The following ZNF865 variants were observed in gnomAD, a reference collection of about 807,000 sequenced individuals.
The protein encoded by ZNF865 is zinc finger protein 865.
For synonymous variants in ZNF865, 763 were observed against 750.8 expected (o/e 1.02, Z -0.27); for missense variants, 1,311 against 1,593.4 (o/e 0.82, Z 3.02).
rs1475331003 is a variant in ZNF865, at chr19:55,614,751, T to A, written c.1133T>A (p.Phe378Tyr). Residue 378 changes from phenylalanine (F) to tyrosine (Y), a missense_variant, in exon 2 of 2, where the codon TTC (phenylalanine) becomes TAC (tyrosine). Coordinates refer to ENST00000568956, the MANE Select transcript of ZNF865 (RefSeq NM_001195605.2). The surrounding 1 kb of genome is among the most constrained non-coding windows in gnomAD (Gnocchi z 8.0). ...ATCATCCACACGGGCGAGAAGCCCT[T>A]CTCCTGCTCCGTGTGCAGCAAAAGC... ...HQIIHTGEKP[F>Y]SCSVCSKSFN... 1.3e-6 allele frequency: 2 copies of A among 1,583,408 alleles called. No individual in the cohort carries two copies. The highest frequency in any genetic ancestry group is 2.7e-5 in the African/African-American group (2 of 73,780).
At position 55,617,197 on chromosome 19, in the gene ZNF865, T is replaced by TG. The variant is rs1202583369; in HGVS notation, c.*406dup. On this transcript the variant is annotated 3_prime_UTR_variant, in exon 2 of 2. Coordinates refer to ENST00000568956, the MANE Select transcript of ZNF865 (RefSeq NM_001195605.2). ...AGGGAGTGCTGGGTGCTTTTTGGGG[T>TG]GGGGGGGTGGGGGGCGGGGTGGCAG... The TG allele has an allele frequency of 5.7e-3, 32 of 5,658 alleles. No individual in the cohort carries two copies. The highest frequency in any genetic ancestry group is 0.042 in the East Asian group (6 of 142). The allele number at this position is 5,658 out of a possible 1,614,324, so 0.4% of individuals were successfully genotyped here.
At chr19:55,609,496 T>G (rs1301794015) in intron 1 of ZNF865, among the ~76,000 whole-genome samples, 1 of 152,204 alleles carries the variant, frequency 6.6e-6, no homozygotes. Context: ...TATGCGCACG[T>G]TACTCTTTAT....
chr19:55,616,157 G>C lies in ZNF865; in HGVS notation c.2539G>C (p.Gly847Arg). ...LHRRSHRQKR[G>R]FRCPVCGKRF... ...CCGCCGCAGCCATCGGCAGAAGCGG[G>C]GTTTCCGCTGCCCGGTGTGCGGGAA... The change falls in exon 2 of 2, where the codon GGT becomes CGT. Residue 847 changes from glycine to arginine, a missense_variant. Gly to Arg is a moderately radical substitution (Grantham distance 125). Coordinates refer to ENST00000568956, the MANE Select transcript of ZNF865 (RefSeq NM_001195605.2). 2.0e-6 allele frequency: 3 copies of C among 1,508,532 alleles called. No homozygotes were observed. The highest frequency in any genetic ancestry group is 2.6e-6 in the Non-Finnish European group (3 of 1,132,242). The allele number at this position is 1,508,532 out of a possible 1,614,324, so 93.4% of individuals were successfully genotyped here. A position where few individuals can be genotyped will look rare whatever the true frequency, so the allele number is the denominator to read the frequency against.
At position 55,611,333 on chromosome 19, in the gene ZNF865, C is replaced by T. The variant is rs1981126772; in HGVS notation, c.-26-2260C>T. 6.6e-6 allele frequency among the ~76,000 whole-genome samples: 1 copy of T among 152,134 alleles called. No homozygotes were observed. Among genetic ancestry groups the T allele is most frequent in the Admixed American group, 6.5e-5 (1 of 15,278 alleles). ...CTAGTCAGGGGCTTCTTTCCCCAAA[C>T]ACTCTTGCCCTCCCTCCCCATAGCG... is the stretch of plus-strand genomic sequence containing the variant. On this transcript the variant is annotated intron_variant, in intron 1 of 1. Coordinates refer to ENST00000568956, the MANE Select transcript of ZNF865 (RefSeq NM_001195605.2). This position sits in a 1 kb window ranked among gnomAD's most constrained non-coding sequence, Gnocchi z 4.5.
intron 1 of ZNF865, among the ~76,000 whole-genome samples, chr19:55,609,506 T>C (rs1981059084): frequency 1.3e-5 from 2 of 152,190 alleles, no homozygotes; most frequent in Admixed American, 1.3e-4. Context: ...TTACTCTTTA[T>C]TAACAAACCA....
rs1981128458 is a variant in ZNF865 at position 55,611,369 on chromosome 19, C to T, written c.-26-2224C>T. On this transcript the variant is annotated intron_variant, in intron 1 of 1. Transcript: ENST00000568956. The surrounding 1 kb of genome is among the most constrained non-coding windows in gnomAD (Gnocchi z 4.5). ...TCCCTCCCCATAGCGCCCTAAATCACCCCCTATTCCCTGCATCCTTATGGC... is the reference window on the plus strand; with the variant it reads ...TCCCTCCCCATAGCGCCCTAAATCATCCCCTATTCCCTGCATCCTTATGGC... Among the ~76,000 whole-genome samples the T allele has an allele frequency of 6.6e-6, 1 of 152,092 alleles. No individual in the cohort carries two copies.
In ZNF865 at chr19:55,614,596, C is replaced by T. The variant is rs949542761; in HGVS notation, c.978C>T (p.Ser326=). 28 of 1,522,026 alleles carry T rather than the reference C, an allele frequency of 1.8e-5. No homozygotes were observed. The highest frequency in any genetic ancestry group is 2.8e-5 in the African/African-American group (2 of 71,946). The allele number at this position is 1,522,026 out of a possible 1,614,324, so 94.3% of individuals were successfully genotyped here. The change falls in exon 2 of 2, where the codon TCC becomes TCT. Residue 326 remains serine, a synonymous_variant. Transcript: ENST00000568956. This position sits in a 1 kb window ranked among gnomAD's most constrained non-coding sequence, Gnocchi z 8.0. Reference sequence around the variant, plus strand: ...CCACGCCCGTGGCGCCTGCCCCCTCCGCAGACGGGAGCGCCGCCCCTGCTG... The same window carrying T: ...CCACGCCCGTGGCGCCTGCCCCCTCTGCAGACGGGAGCGCCGCCCCTGCTG... ...PPATPVAPAP[S]ADGSAAPAGV...
At chr19:55,606,248 C>G (rs1439843443) in intron 1 of ZNF865, among the ~76,000 whole-genome samples, 2 of 152,176 alleles carry the variant, frequency 1.3e-5, no homozygotes, top group Admixed American at 1.3e-4. Context: ...AGCAGAACGC[C>G]CCTTCGTGGG....
At chr19:55,609,361 C>T (rs190299394) in intron 1 of ZNF865, among the ~76,000 whole-genome samples, 21 of 152,280 alleles carry the variant, frequency 1.4e-4, no homozygotes, top group Non-Finnish European at 2.8e-4. Context: ...CCCTCAGTCT[C>T]TTCCTTTGTA....
Position 55,616,053 on chromosome 19 carries a change from A to G in ZNF865, c.2435A>G (p.Tyr812Cys). The G allele has an allele frequency of 6.6e-7, 1 of 1,521,494 alleles. No individual in the cohort carries two copies. Among genetic ancestry groups the G allele is most frequent in the Non-Finnish European group, 8.8e-7 (1 of 1,139,870 alleles). 94.2% of individuals were successfully genotyped at this position (1,521,494 alleles called of 1,614,324 possible). Residue 812 changes from tyrosine to cysteine, a missense_variant, in exon 2 of 2, where the codon TAC becomes TGC. By Grantham distance (194) the Tyr-to-Cys change is radical. Transcript: ENST00000568956. The stretch of plus-strand genomic sequence containing the variant: ...TTCCTGGGCCTCGTGACTCACAAGT[A>G]CGTGCACCTGGTGCGACGGACCCTG... The part of the protein sequence containing the change: ...KHFLGLVTHK[Y>C]VHLVRRTLGC...
chr19:55,616,727 C>T lies in ZNF865; in HGVS notation c.3109C>T (p.Leu1037=), dbSNP rs1373604568. 5 of 1,513,290 alleles carry T rather than the reference C, an allele frequency of 3.3e-6. No individual in the cohort carries two copies. In the East Asian group the frequency reaches 9.9e-5, roughly 30 times the overall value. 93.7% of individuals were successfully genotyped at this position (1,513,290 alleles called of 1,614,324 possible). Residue 1037 remains leucine, a synonymous_variant, in exon 2 of 2, where the codon CTG becomes TTG. Coordinates refer to ENST00000568956, the MANE Select transcript of ZNF865 (RefSeq NM_001195605.2). ...ANTYGLKKHR[L]AHKAENLGGP... ...CACCTACGGCCTCAAGAAACACCGC[C>T]TGGCGCACAAGGCCGAGAACCTCGG... is the stretch of plus-strand genomic sequence containing the variant.
At position 55,615,337 on chromosome 19, in the gene ZNF865, G is replaced by A. The variant is rs1486176833; in HGVS notation, c.1719G>A (p.Thr573=). Residue 573 remains threonine, a synonymous_variant, in exon 2 of 2, where the codon ACG becomes ACA. Coordinates refer to ENST00000568956, the MANE Select transcript of ZNF865 (RefSeq NM_001195605.2). ...TGAAGCGCCATGAGCGCATCCACAC[G>A]GGCGAGAAGCCCCACCAGTGCCCCG... ...ETLKRHERIH[T]GEKPHQCPVC... 2.0e-6 allele frequency: 3 copies of A among 1,518,876 alleles called. No individual in the cohort carries two copies. Among genetic ancestry groups the A allele is most frequent in the Admixed American group, 2.1e-5 (1 of 47,522 alleles). 94.1% of individuals were successfully genotyped at this position (1,518,876 alleles called of 1,614,324 possible).
Position 55,613,927 on chromosome 19 carries a change from C to G in ZNF865, c.309C>G (p.Ser103=). 6.5e-7 allele frequency: 1 copy of G among 1,527,958 alleles called. No homozygotes were observed. Among genetic ancestry groups the G allele is most frequent in the Non-Finnish European group, 8.8e-7 (1 of 1,140,352 alleles). 94.7% of individuals were successfully genotyped at this position (1,527,958 alleles called of 1,614,324 possible). ...SSSSSSSSSS[S]SSSSSSSSSS... is the part of the protein sequence containing the mutation. ...CCTCGTCCTCGTCCTCCTCCTCCTC[C>G]TCTTCGTCCTCCTCGTCGTCATCTT... The change falls in exon 2 of 2, where the codon TCC becomes TCG. Residue 103 remains serine, a synonymous_variant. Transcript: ENST00000568956.
Position 55,616,254 on chromosome 19 carries a change from G to T in ZNF865, c.2636G>T (p.Gly879Val), listed in dbSNP as rs1981354475. Residue 879 changes from glycine (G) to valine (V), a missense_variant, in exon 2 of 2, where the codon GGC (glycine) becomes GTC (valine). Transcript: ENST00000568956. Reference sequence around the variant, plus strand: ...ACGGAACAGCGGCCGTACCGATGTGGCGTGTGCGGCCGAGGCTTCCTGCGC... The same window carrying T: ...ACGGAACAGCGGCCGTACCGATGTGTCGTGTGCGGCCGAGGCTTCCTGCGC... ...CHTEQRPYRC[G>V]VCGRGFLRSW... 14 of 1,523,368 alleles carry T rather than the reference G, an allele frequency of 9.2e-6. No individual in the cohort carries two copies. The highest frequency in any genetic ancestry group is 1.2e-5 in the Non-Finnish European group (14 of 1,139,814). 94.4% of individuals were successfully genotyped at this position (1,523,368 alleles called of 1,614,324 possible).
In ZNF865 at chr19:55,615,985, C is replaced by T. The variant is rs1487977633; in HGVS notation, c.2367C>T (p.Pro789=). 3 of 1,521,312 alleles carry T rather than the reference C, an allele frequency of 2.0e-6. No homozygotes were observed. The highest frequency in any genetic ancestry group is 2.5e-5 in the East Asian group (1 of 39,940). The allele number at this position is 1,521,312 out of a possible 1,614,324, so 94.2% of individuals were successfully genotyped here. A position where few individuals can be genotyped will look rare whatever the true frequency, so the allele number is the denominator to read the frequency against. Reference sequence around the variant, plus strand: ...CTGGCGGGGGTGCCAGTTCCGGCCCCGAGCGCTTCAGCTGTGCCACGTGCG... The same window carrying T: ...CTGGCGGGGGTGCCAGTTCCGGCCCTGAGCGCTTCAGCTGTGCCACGTGCG... ...AGAGGGASSG[P]ERFSCATCGQ... is the part of the protein sequence containing the mutation. Residue 789 remains proline (P), a synonymous_variant, in exon 2 of 2, where the codon CCC becomes CCT. Transcript: ENST00000568956.
chr19:55,616,687 C>T lies in ZNF865; in HGVS notation c.3069C>T (p.Gly1023=). Residue 1023 remains glycine (G), a synonymous_variant, in exon 2 of 2, where the codon GGC becomes GGT. Transcript: ENST00000568956. ...GGRPFRCSSC[G]EGFANTYGLK... is the part of the protein sequence containing the mutation. ...GGCCCTTCCGCTGCTCCTCCTGCGG[C>T]GAGGGCTTCGCCAACACCTACGGCC... 1.3e-6 allele frequency: 2 copies of T among 1,529,698 alleles called. No homozygotes were observed. The highest frequency in any genetic ancestry group is 1.7e-6 in the Non-Finnish European group (2 of 1,144,184). 94.8% of individuals were successfully genotyped at this position (1,529,698 alleles called of 1,614,324 possible). A position where few individuals can be genotyped will look rare whatever the true frequency, so the allele number is the denominator to read the frequency against.
intron 1 of ZNF865, 48 bp from the exon 2 acceptor site, chr19:55,613,545 A>T (rs1428658236): frequency 7.0e-7 from 1 of 1,421,142 alleles, no homozygotes; most frequent in African/African-American, 1.5e-5. Flanking sequence ...ACCTGCGGGG[A>T]GACCCAGCGC....
chr19:55,615,178 C>T lies in ZNF865; in HGVS notation c.1560C>T (p.Val520=), dbSNP rs1194430587. 3 of 1,387,694 alleles carry T rather than the reference C, an allele frequency of 2.2e-6. No homozygotes were observed. The African/African-American group carries it at 4.7e-5, about 22-fold the overall frequency. The allele number at this position is 1,387,694 out of a possible 1,614,324, so 86.0% of individuals were successfully genotyped here. A position where few individuals can be genotyped will look rare whatever the true frequency, so the allele number is the denominator to read the frequency against. Reference sequence around the variant, plus strand: ...CGGTGGTGTACGGCGCTGTGCCCGTCCCGCTCCTGGGCGCCCACCCGCTGC... The same window carrying T: ...CGGTGGTGTACGGCGCTGTGCCCGTTCCGCTCCTGGGCGCCCACCCGCTGC... ...AAAVVYGAVP[V]PLLGAHPLLL... Residue 520 remains valine (V), a synonymous_variant, in exon 2 of 2, where the codon GTC becomes GTT. Transcript: ENST00000568956.
Position 55,611,450 on chromosome 19 carries a change from GT to G in ZNF865, c.-26-2141del, listed in dbSNP as rs1981131005. ...CTCCAGAGCTGTCTCCCCAACTTAG[GT>G]TCCACCTACAGCCTTCCAATTACCA... On this transcript the variant is annotated intron_variant, in intron 1 of 1. Coordinates refer to ENST00000568956, the MANE Select transcript of ZNF865 (RefSeq NM_001195605.2). The surrounding 1 kb of genome is among the most constrained non-coding windows in gnomAD (Gnocchi z 4.5). 6.6e-6 allele frequency among the ~76,000 whole-genome samples: 1 copy of G among 152,116 alleles called. No homozygotes were observed. Among genetic ancestry groups the G allele is most frequent in the African/African-American group, 2.4e-5 (1 of 41,398 alleles).
Sources: allele counts gnomAD v4.1 joint callset (sites outside exome capture counted in the v4.1 genomes callset), GRCh38; gene constraint gnomAD v4.1.1; non-coding constraint Gnocchi (gnomAD v3.1); transcripts MANE v1.5; gene names NCBI Gene and HGNC (gene_info 2026-07-23, HGNC 2026-07-21).